CCDC152: variants seen among roughly 807,000 people sequenced by gnomAD.
The protein encoded by CCDC152 is coiled-coil domain-containing protein 152.
In CCDC152, 37 loss-of-function variants were observed where a neutral mutation model predicts 38.1. The observed-to-expected ratio is 0.97, with a 90% CI of 0.75 to 1.28. The LOEUF (loss-of-function observed/expected upper bound fraction) is 1.28, where lower values mean the gene tolerates loss of function less well. CCDC152 is among the 50% of genes most tolerant of loss of function. CCDC152 has a pLI of 0.00. For missense variants in CCDC152, 259 were observed against 292.1 expected (o/e 0.89, Z 0.83); for synonymous variants, 83 against 87.1 (o/e 0.95, Z 0.26).
At chr5:42,764,193 C>T (rs945221683) in intron 3 of CCDC152, among the ~76,000 whole-genome samples, 16 of 151,990 alleles carry the variant, frequency 1.1e-4, no homozygotes, top group Non-Finnish European at 1.8e-4. Flanking sequence ...GGGTGGATCA[C>T]GAGGTCAGGA....
chr5:42,782,488 C>T (rs1269295264), intron 5 of CCDC152, among the ~76,000 whole-genome samples: 1 of 152,036 alleles, frequency 6.6e-6, no homozygotes, highest in African/African-American at 2.4e-5. Flanking sequence ...TTATGGAATT[C>T]ATGAAGCAGA....
At chr5:42,762,643 T>A in intron 3 of CCDC152, 95 bp downstream of exon 3, 2 of 722,214 alleles carry the variant, frequency 2.8e-6, no homozygotes, top group Non-Finnish European at 4.8e-6. Flanking sequence ...GTAAAGTGTT[T>A]TAAGTCCACA....
chr5:42,759,179 C>G lies in CCDC152; in HGVS notation c.58C>G (p.Leu20Val). The G allele has an allele frequency of 6.5e-7, 1 of 1,549,882 alleles. No homozygotes were observed. The highest frequency in any genetic ancestry group is 8.7e-7 in the Non-Finnish European group (1 of 1,145,612). ...KKISSVNLDK[L>V]INDFSQIEKK... ...GATTAGCAGTGTGAATCTTGACAAA[C>G]TTATAAATGACTTCTCACAGATAGA... is the stretch of plus-strand genomic sequence containing the variant. Residue 20 changes from leucine (L) to valine (V), a missense_variant, in exon 2 of 9, where the codon CTT (leucine) becomes GTT (valine). By Grantham distance (32) the Leu-to-Val change is conservative. Transcript: ENST00000361970.
intron 6 of CCDC152, among the ~76,000 whole-genome samples, chr5:42,790,805 G>A (rs1759988769): frequency 1.3e-5 from 2 of 152,184 alleles, no homozygotes; most frequent in Non-Finnish European, 2.9e-5. Context: ...GCCCTATCAA[G>A]CTCAGTCATT....
chr5:42,798,951 CTGTT>C (rs1760119282), intron 7 of CCDC152, among the ~76,000 whole-genome samples: 1 of 152,118 alleles, frequency 6.6e-6, no homozygotes. Flanking sequence ...TCTTCCTTGA[CTGTT>C]TATTACATTT....
At chr5:42,790,896 T>C (rs891276145) in intron 6 of CCDC152, among the ~76,000 whole-genome samples, 4 of 152,088 alleles carry the variant, frequency 2.6e-5, no homozygotes, top group African/African-American at 9.7e-5. Flanking sequence ...CTCTCCGAAA[T>C]TGGAGATCTA....
At chr5:42,776,811 A>T (rs1268238002) in intron 4 of CCDC152, among the ~76,000 whole-genome samples, 4 of 152,244 alleles carry the variant, frequency 2.6e-5, no homozygotes, top group Non-Finnish European at 4.4e-5. Flanking sequence ...CTTTTAAATA[A>T]TACAGTGGTC....
chr5:42,797,829 G>T (rs572919032), intron 7 of CCDC152, among the ~76,000 whole-genome samples: 1 of 151,860 alleles, frequency 6.6e-6, no homozygotes, highest in South Asian at 2.1e-4. Flanking sequence ...CATCTCAAAG[G>T]CTGAGGCTCT....
chr5:42,799,479 G>A (rs1470176281), intron 8 of CCDC152, 21 bp downstream of exon 8: 2 of 1,429,620 alleles, frequency 1.4e-6, no homozygotes, highest in Non-Finnish European at 1.9e-6. Flanking sequence ...TTTCCTCTCA[G>A]TATTTGTTGC....
chr5:42,799,485 G>A (rs1449613369), intron 8 of CCDC152, 27 bp downstream of exon 8: 5 of 1,401,170 alleles, frequency 3.6e-6, no homozygotes, highest in Non-Finnish European at 4.9e-6. Context: ...CTCAGTATTT[G>A]TTGCTTAAGA....
At chr5:42,784,002 C>CT (rs1759885205) in intron 6 of CCDC152, among the ~76,000 whole-genome samples, 1 of 152,028 alleles carries the variant, frequency 6.6e-6, no homozygotes, top group Non-Finnish European at 1.5e-5. Flanking sequence ...TTGATGTGCA[C>CT]TTAGGTTAAT....
intron 4 of CCDC152, among the ~76,000 whole-genome samples, chr5:42,775,077 A>G (rs748940230): frequency 7.2e-5 from 11 of 152,054 alleles, no homozygotes; most frequent in Non-Finnish European, 1.2e-4. Context: ...AAACAGTGTA[A>G]TAACTACGAA....
intron 3 of CCDC152, among the ~76,000 whole-genome samples, chr5:42,766,235 A>G (rs976796731): frequency 1.3e-5 from 2 of 152,196 alleles, no homozygotes; most frequent in Non-Finnish European, 2.9e-5. Context: ...TCCCAGTTAC[A>G]ATGGCTTATA....
chr5:42,797,758 T>A (rs981178836), intron 7 of CCDC152, among the ~76,000 whole-genome samples: 4 of 152,110 alleles, frequency 2.6e-5, no homozygotes, highest in Non-Finnish European at 5.9e-5. Context: ...GAAGAATATA[T>A]ATCCTGGGGG....
chr5:42,789,759 G>A (rs1235520272), intron 6 of CCDC152, among the ~76,000 whole-genome samples: 2 of 151,810 alleles, frequency 1.3e-5, no homozygotes, highest in Non-Finnish European at 1.5e-5. Context: ...AGGGTTAATC[G>A]GTTTTATATG....
Position 42,800,466 on chromosome 5 carries a change from A to T in CCDC152, c.*685A>T. On this transcript the variant is annotated 3_prime_UTR_variant, in exon 9 of 9. Coordinates refer to ENST00000361970, the MANE Select transcript of CCDC152 (RefSeq NM_001134848.2). ...CTATTCTCATTAAAGCAAATAGAAC[A>T]CTGGAAAAAGAAAAAAAAAGACATA... The T allele has an allele frequency of 2.5e-6, 1 of 392,194 alleles. No homozygotes were observed. The highest frequency in any genetic ancestry group is 4.6e-5 in the South Asian group (1 of 21,774). 24.3% of individuals were successfully genotyped at this position (392,194 alleles called of 1,614,324 possible). A position where few individuals can be genotyped will look rare whatever the true frequency, so the allele number is the denominator to read the frequency against.
Position 42,796,805 on chromosome 5 carries a change from TTTTA to T in CCDC152, c.431-16_431-13del, listed in dbSNP as rs759218527. On this transcript the variant is annotated intron_variant, in intron 6 of 8. Coordinates refer to ENST00000361970, the MANE Select transcript of CCDC152 (RefSeq NM_001134848.2). ...AATTTTGAAATTTTTAACAAATGAA[TTTTA>T]TTTATTTCATTTTATTCAGTTGAAT... is the stretch of plus-strand genomic sequence containing the variant. The T allele has an allele frequency of 7.0e-5, 94 of 1,339,670 alleles. No homozygotes were observed. The highest frequency in any genetic ancestry group is 5.3e-4 in the South Asian group (34 of 64,592). The allele number at this position is 1,339,670 out of a possible 1,614,324, so 83.0% of individuals were successfully genotyped here. A position where few individuals can be genotyped will look rare whatever the true frequency, so the allele number is the denominator to read the frequency against.
At chr5:42,783,712 G>A (rs1269105181) in intron 6 of CCDC152, 136 bp downstream of exon 6, 3 of 289,924 alleles carry the variant, frequency 1.0e-5, no homozygotes, top group East Asian at 1.4e-4. Context: ...AACATAACTC[G>A]TGGTAGATCA....
chr5:42,790,792 G>A (rs1179410637), intron 6 of CCDC152, among the ~76,000 whole-genome samples: 4 of 152,150 alleles, frequency 2.6e-5, no homozygotes, highest in East Asian at 1.9e-4. Flanking sequence ...GCTTGCCTTC[G>A]TAGCCCTATC....
Sources: allele counts gnomAD v4.1 joint callset (sites outside exome capture counted in the v4.1 genomes callset), GRCh38; gene constraint gnomAD v4.1.1; transcripts MANE v1.5; gene names NCBI Gene and HGNC (gene_info 2026-07-23, HGNC 2026-07-21).